ADGRL2: variants seen among roughly 807,000 people sequenced by gnomAD.
ADGRL2 encodes adhesion G protein-coupled receptor L2.
ADGRL2 carries 44 observed loss-of-function variants against 157.4 expected under a neutral mutation model. The ratio of observed to expected loss-of-function variants is 0.28; its 90% confidence interval spans 0.22 to 0.36. The LOEUF (loss-of-function observed/expected upper bound fraction) is 0.36. Ranked by LOEUF, ADGRL2 falls within the 10% of genes least tolerant of loss-of-function variation. The probability of loss-of-function intolerance (pLI) is 1.00; values close to 1 mark genes in which losing one functional copy is unlikely to be tolerated. For synonymous variants in ADGRL2, 585 were observed against 624.7 expected (o/e 0.94, Z 0.95); for missense variants, 1,510 against 1,768.9 (o/e 0.85, Z 2.63).
At chr1:81,445,591 C>A (rs2077583720) in intron 2 of ADGRL2, among the ~76,000 whole-genome samples, 1 of 152,168 alleles carries the variant, frequency 6.6e-6, no homozygotes, top group Non-Finnish European at 1.5e-5. Flanking sequence ...TTCTGTTTCT[C>A]TGAATCATGA....
chr1:81,552,298 G>C (rs1409484400), intron 2 of ADGRL2, among the ~76,000 whole-genome samples: 1 of 152,054 alleles, frequency 6.6e-6, no homozygotes, highest in Admixed American at 6.6e-5. Context: ...GAAGGATTTG[G>C]CTGATTCTCA....
chr1:81,384,819 A>T (rs2076406614), intron 1 of ADGRL2, among the ~76,000 whole-genome samples: 1 of 152,170 alleles, frequency 6.6e-6, no homozygotes, highest in Non-Finnish European at 1.5e-5. Flanking sequence ...CTGGTAATAG[A>T]TTAGGGTACA....
At chr1:81,789,696 C>A (rs1388026159) in intron 2 of ADGRL2, among the ~76,000 whole-genome samples, 6 of 99,456 alleles carry the variant, frequency 6.0e-5, no homozygotes, top group Non-Finnish European at 1.0e-4. Context: ...AGCGAGTCTC[C>A]GTCTCAAAAA....
intron 1 of ADGRL2, among the ~76,000 whole-genome samples, chr1:81,822,081 G>GT (rs1460760470): frequency 7.0e-6 from 1 of 142,212 alleles, no homozygotes; most frequent in African/African-American, 2.7e-5. Flanking sequence ...AGTGTGGAAT[G>GT]TATTAGTTTT....
At chr1:81,432,313 G>A (rs972845738) in intron 1 of ADGRL2, among the ~76,000 whole-genome samples, 1 of 152,200 alleles carries the variant, frequency 6.6e-6, no homozygotes, top group Admixed American at 6.5e-5. Flanking sequence ...CAGCCCTACT[G>A]CTGAAGAGTT....
intron 3 of ADGRL2, among the ~76,000 whole-genome samples, chr1:81,925,966 G>A (rs887034188): frequency 1.3e-5 from 2 of 151,960 alleles, no homozygotes; most frequent in Non-Finnish European, 2.9e-5. Flanking sequence ...ATTTAAAATA[G>A]CCGCAACACA....
intron 1 of ADGRL2, among the ~76,000 whole-genome samples, chr1:81,820,650 T>C (rs2090894694): frequency 6.6e-6 from 1 of 151,900 alleles, no homozygotes; most frequent in South Asian, 2.1e-4. Flanking sequence ...CCTTAGATGA[T>C]AAATCAGTAG....
chr1:81,383,953 C>CAAAA (rs577073531), intron 1 of ADGRL2, among the ~76,000 whole-genome samples: 1 of 83,832 alleles, frequency 1.2e-5, no homozygotes. Flanking sequence ...GACTCTGTCT[C>CAAAA]AAAAAAAAAA....
At chr1:81,604,974 T>A (rs1443509234) in intron 3 of ADGRL2, among the ~76,000 whole-genome samples, 1 of 152,204 alleles carries the variant, frequency 6.6e-6, no homozygotes, top group African/African-American at 2.4e-5. Context: ...GTCAAAGCAC[T>A]TACACATAAT....
At chr1:81,947,076 T>A (rs2149013147) in intron 6 of ADGRL2, among the ~76,000 whole-genome samples, 1 of 152,312 alleles carries the variant, frequency 6.6e-6, no homozygotes, top group Admixed American at 6.5e-5. Flanking sequence ...ATTTTGTTTC[T>A]ACTCAAATGA....
intron 3 of ADGRL2, among the ~76,000 whole-genome samples, chr1:81,675,022 A>G (rs1331971586): frequency 6.6e-6 from 1 of 152,214 alleles, no homozygotes; most frequent in East Asian, 1.9e-4. Flanking sequence ...GGCCAGGTGC[A>G]AGTATCTCAT....
intron 2 of ADGRL2, among the ~76,000 whole-genome samples, chr1:81,563,013 G>C (rs184023202): frequency 1.3e-5 from 2 of 152,158 alleles, no homozygotes; most frequent in East Asian, 3.9e-4. Flanking sequence ...AAAGCTTATT[G>C]CTAGGTGGAT....
At chr1:81,955,648 C>G (rs1653271958) in intron 10 of ADGRL2, 1 of 369,576 alleles carries the variant, frequency 2.7e-6, no homozygotes, top group Non-Finnish European at 4.8e-6. Context: ...TCTACACTTA[C>G]TGTTTGTAAT....
intron 1 of ADGRL2, among the ~76,000 whole-genome samples, chr1:81,708,307 G>C (rs2149064936): frequency 6.6e-6 from 1 of 152,194 alleles, no homozygotes; most frequent in Middle Eastern, 3.4e-3. Context: ...ACATAACTTG[G>C]CTAGCTCATA....
At chr1:81,329,584 A>G (rs1462487146) in intron 1 of ADGRL2, among the ~76,000 whole-genome samples, 1 of 152,194 alleles carries the variant, frequency 6.6e-6, no homozygotes, top group Admixed American at 6.5e-5. Context: ...GTTAGCTAAG[A>G]TCTTTTAGCT....
At chr1:81,346,245 G>A (rs1181522975) in intron 1 of ADGRL2, among the ~76,000 whole-genome samples, 1 of 152,146 alleles carries the variant, frequency 6.6e-6, no homozygotes, top group African/African-American at 2.4e-5. Flanking sequence ...TATCCATTAT[G>A]CTTATGTAGA....
intron 3 of ADGRL2, among the ~76,000 whole-genome samples, chr1:81,587,041 A>G (rs952115664): frequency 3.3e-5 from 5 of 152,076 alleles, no homozygotes; most frequent in African/African-American, 9.7e-5. Context: ...GAGGAAAATG[A>G]CTGAAGACAG....
chr1:81,546,342 A>G (rs568809551), intron 2 of ADGRL2, among the ~76,000 whole-genome samples: 1 of 152,270 alleles, frequency 6.6e-6, no homozygotes, highest in African/African-American at 2.4e-5. Flanking sequence ...TTGAATACTC[A>G]TTTAGCATTG....
rs368764970 is a variant in ADGRL2 at position 81,662,252 on chromosome 1, C to CTT, written c.-143+81289_-143+81290dup. Among the ~76,000 whole-genome samples the CTT allele has an allele frequency of 7.8e-3, 988 of 127,432 alleles. 13 individuals are homozygous for CTT. The highest frequency in any genetic ancestry group is 0.018 in the African/African-American group (620 of 33,526). 83.6% of individuals were successfully genotyped at this position (127,432 alleles called of 152,430 possible). A position where few individuals can be genotyped will look rare whatever the true frequency, so the allele number is the denominator to read the frequency against. On this transcript the variant is annotated intron_variant, in intron 3 of 24. Coordinates refer to the ADGRL2 transcript ENST00000370721. ...TATCAAATAGTAGGTCTCATTCATTCTTTTTTTTTTTTTTTTTTCTTGAGA... is the reference window on the plus strand; with the variant it reads ...TATCAAATAGTAGGTCTCATTCATTCTTTTTTTTTTTTTTTTTTTTCTTGAGA...
Sources: allele counts gnomAD v4.1 joint callset (sites outside exome capture counted in the v4.1 genomes callset), GRCh38; gene constraint gnomAD v4.1.1; transcripts MANE v1.5; gene names NCBI Gene and HGNC (gene_info 2026-07-23, HGNC 2026-07-21).